Variants in UBQLNL observed in about 807,000 individuals in gnomAD.
UBQLNL encodes ubiquilin-like protein.
For missense variants in UBQLNL, 589 were observed against 567.1 expected, an observed-to-expected ratio of 1.04 and a Z score of -0.39; for synonymous variants, 223 against 209.7, an observed-to-expected ratio of 1.06 and a Z score of -0.55.
chr11:5,515,673 A>G lies in UBQLNL; in HGVS notation c.769T>C (p.Tyr257His). 6.2e-7 allele frequency: 1 copy of G among 1,614,118 alleles called. No individual in the cohort carries two copies. The highest frequency in any genetic ancestry group is 2.2e-5 in the East Asian group (1 of 44,874). ...NLEYPLNPQP[Y>H]LGLETMPGGN... ...CCTGGCATTGTCTCTAAGCCCAGAT[A>G]TGGCTGTGGGTTCAGTGGATACTCA... Residue 257 changes from tyrosine to histidine, a missense_variant, in exon 1 of 1, where the codon TAT (tyrosine) becomes CAT (histidine). Tyr to His is a moderately conservative substitution (Grantham distance 83, BLOSUM62 2). Coordinates refer to ENST00000380184, the MANE Select transcript of UBQLNL (RefSeq NM_145053.5).
At position 5,514,475 on chromosome 11, in the gene UBQLNL, G is replaced by T. The variant is rs973834632; in HGVS notation, c.*539C>A. 1.9e-5 allele frequency: 3 copies of T among 157,162 alleles called. No individual in the cohort carries two copies. Among genetic ancestry groups the T allele is most frequent in the African/African-American group, 7.2e-5 (3 of 41,486 alleles). The allele number at this position is 157,162 out of a possible 1,614,324, so 9.7% of individuals were successfully genotyped here. On this transcript the variant is annotated 3_prime_UTR_variant, in exon 1 of 1. Transcript: ENST00000380184. ...CTATTATTCAGTACAAGACACATTG[G>T]TTGATAACTCTTATTCCAGGACTTC... is the stretch of plus-strand genomic sequence containing the variant.
In UBQLNL at chr11:5,515,981, G is replaced by A. The variant is rs1443561160; in HGVS notation, c.461C>T (p.Ser154Phe). The A allele has an allele frequency of 2.5e-6, 4 of 1,614,020 alleles. No individual in the cohort carries two copies. The highest frequency in any genetic ancestry group is 3.4e-6 in the Non-Finnish European group (4 of 1,180,034). The change falls in exon 1 of 1, where the codon TCT becomes TTT. Residue 154 changes from serine to phenylalanine, a missense_variant. Coordinates refer to ENST00000380184, the MANE Select transcript of UBQLNL (RefSeq NM_145053.5). Reference protein sequence around the residue: ...APVELAHFVGSDAPKVHTQNL... With the variant: ...APVELAHFVGFDAPKVHTQNL... ...TTGGGTATGCACTTTGGGTGCATCA[G>A]ACCCCACAAAGTGGGCCAGTTCCAC...
rs770685141 is a variant in UBQLNL, at chr11:5,515,179, G to A, written c.1263C>T (p.Ser421=). Residue 421 remains serine (S), a synonymous_variant, in exon 1 of 1, where the codon AGC becomes AGT. Coordinates refer to ENST00000380184, the MANE Select transcript of UBQLNL (RefSeq NM_145053.5). ...KGDLQLSDEQ[S]SSQITGGMMQ... ...TCATGCCTCCTGTGATCTGGGAGCT[G>A]CTCTGCTCATCTGACAGCTGGAGAT... 40 of 1,614,096 alleles carry A rather than the reference G, an allele frequency of 2.5e-5. No homozygotes were observed. The Admixed American group carries it at 6.3e-4, about 26-fold the overall frequency.
rs1846534042 is a variant in UBQLNL, at chr11:5,516,182, T to TG, written c.229dup (p.Gln77ProfsTer34). The TG allele has an allele frequency of 6.2e-7, 1 of 1,614,092 alleles. No individual in the cohort carries two copies. On this transcript the variant is annotated frameshift_variant, in exon 2 of 2. Transcript: ENST00000673910. LOFTEE classifies it low-confidence loss of function (END_TRUNC). ...GGTGTGGCCATCCATGATGCCCCTCTGGCTCAGTGTGTCATGGTCTTTGAG... is the reference window on the plus strand; with the variant it reads ...GGTGTGGCCATCCATGATGCCCCTCTGGGCTCAGTGTGTCATGGTCTTTGAG...
At position 5,515,764 on chromosome 11, in the gene UBQLNL, C is replaced by T; in HGVS notation, c.678G>A (p.Leu226=). 1.2e-6 allele frequency: 2 copies of T among 1,614,078 alleles called. No homozygotes were observed. Among genetic ancestry groups the T allele is most frequent in the Non-Finnish European group, 1.7e-6 (2 of 1,180,002 alleles). The part of the protein sequence containing the change: ...LDNSEILLQT[L]ELARNLAMIQ... ...TCATAGCAAGGTTCCTGGCCAGCTC[C>T]AGAGTCTGCAATAGGATCTCAGAAT... Residue 226 remains leucine (L), a synonymous_variant, in exon 1 of 1, where the codon CTG becomes CTA. Coordinates refer to ENST00000380184, the MANE Select transcript of UBQLNL (RefSeq NM_145053.5).
chr11:5,516,522 C>T lies in UBQLNL; in HGVS notation c.-81G>A. ...AGGGCAGACAAATGTTTCTGCTGGC[C>T]TTTGTCTCAGGTATTGTGCTCTCAG... On this transcript the variant is annotated 5_prime_UTR_variant, in exon 1 of 1. Transcript: ENST00000380184. The T allele has an allele frequency of 7.9e-7, 1 of 1,271,630 alleles. No individual in the cohort carries two copies. Among genetic ancestry groups the T allele is most frequent in the Non-Finnish European group, 1.1e-6 (1 of 893,344 alleles). 78.8% of individuals were successfully genotyped at this position (1,271,630 alleles called of 1,614,324 possible).
Position 5,516,277 on chromosome 11 carries a change from G to C in UBQLNL, c.165C>G (p.Phe55Leu). The change falls in exon 1 of 1, where the codon TTC becomes TTG. Residue 55 changes from phenylalanine (F) to leucine (L), a missense_variant. Physicochemically the swap from Phe to Leu is conservative, Grantham distance 22 (BLOSUM62 0). Transcript: ENST00000380184. ...GGAAGTGAGCCAATAGCATCTCCTT[G>C]AACTGCCTTACCGAGATGTCATCAG... ...MVADDISVRQ[F>L]KEMLLAHFQC... The C allele has an allele frequency of 6.2e-7, 1 of 1,614,148 alleles. No individual in the cohort carries two copies.
chr11:5,515,031 C>A lies in UBQLNL; in HGVS notation c.1411G>T (p.Asp471Tyr), dbSNP rs1249847695. 1 of 1,613,668 alleles carries A rather than the reference C, an allele frequency of 6.2e-7. No homozygotes were observed. Among genetic ancestry groups the A allele is most frequent in the Non-Finnish European group, 8.5e-7 (1 of 1,179,932 alleles). ...AGGGTTGCCTAAGCACTAAGCAGAT[C>A]AGAAATCTGTGTCTGCTGCAGGAAT... ...PTFLQQTQISDLLSA is the reference protein window; with the variant it reads ...PTFLQQTQISYLLSA The change falls in exon 1 of 1, where the codon GAT becomes TAT. Residue 471 changes from aspartate (D) to tyrosine (Y), a missense_variant. Asp to Tyr is a radical substitution (Grantham distance 160). Coordinates refer to ENST00000380184, the MANE Select transcript of UBQLNL (RefSeq NM_145053.5).
chr11:5,515,508 G>A lies in UBQLNL; in HGVS notation c.934C>T (p.Pro312Ser). 1 of 1,614,154 alleles carries A rather than the reference G, an allele frequency of 6.2e-7. No individual in the cohort carries two copies. The highest frequency in any genetic ancestry group is 8.5e-7 in the Non-Finnish European group (1 of 1,180,018). Residue 312 changes from proline to serine, a missense_variant, in exon 1 of 1, where the codon CCT (proline) becomes TCT (serine). Physicochemically the swap from Pro to Ser is moderately conservative, Grantham distance 74 (BLOSUM62 -1). Transcript: ENST00000380184. ...VLEQVQSSPP[P>S]PPPSQEQQDQ... Reference sequence around the variant, plus strand: ...TGTTGTTCCTGTGATGGTGGTGGAGGTGGGGGTGAAGACTGGACTTGTTCT... The same window carrying A: ...TGTTGTTCCTGTGATGGTGGTGGAGATGGGGGTGAAGACTGGACTTGTTCT...
At position 5,516,560 on chromosome 11, in the gene UBQLNL, T is replaced by C; in HGVS notation, c.-119A>G. ...ATTGTGCTCTCAGGCCACAGGATAG[T>C]TTCCTTGTTGCCCTAAAAGGGATGA... On this transcript the variant is annotated 5_prime_UTR_variant, in exon 1 of 1. Coordinates refer to ENST00000380184, the MANE Select transcript of UBQLNL (RefSeq NM_145053.5). The C allele has an allele frequency of 1.2e-6, 1 of 863,076 alleles. No individual in the cohort carries two copies. Among genetic ancestry groups the C allele is most frequent in the Non-Finnish European group, 1.8e-6 (1 of 551,872 alleles). The allele number at this position is 863,076 out of a possible 1,614,324, so 53.5% of individuals were successfully genotyped here.
At position 5,516,036 on chromosome 11, in the gene UBQLNL, G is replaced by A. The variant is rs150539325; in HGVS notation, c.406C>T (p.His136Tyr). The A allele has an allele frequency of 3.2e-3, 5,130 of 1,614,120 alleles. 17 individuals are homozygous for A. The highest frequency in any genetic ancestry group is 4.0e-3 in the Non-Finnish European group (4,748 of 1,180,006). The change falls in exon 1 of 1, where the codon CAC becomes TAC. Residue 136 changes from histidine to tyrosine, a missense_variant. Coordinates refer to ENST00000380184, the MANE Select transcript of UBQLNL (RefSeq NM_145053.5). ...GCTTGATTCATACCAGTTGGTTGGT[G>A]CACTCTGCTGCTGTTTCCTTTGGTG... ...RNTKGNSSRV[H>Y]QPTGMNQAPV...
chr11:5,516,095 A>G lies in UBQLNL; in HGVS notation c.347T>C (p.Leu116Pro). 6.2e-7 allele frequency: 1 copy of G among 1,613,872 alleles called. No homozygotes were observed. Among genetic ancestry groups the G allele is most frequent in the Non-Finnish European group, 8.5e-7 (1 of 1,179,908 alleles). ...SRSLAHSFRD[L>P]PTNDPCHRDR... ...CCGGTGGCAGGGATCATTCGTTGGCAGGTCCCGGAAGGAATGGGCTAGAGA... is the reference window on the plus strand; with the variant it reads ...CCGGTGGCAGGGATCATTCGTTGGCGGGTCCCGGAAGGAATGGGCTAGAGA... Residue 116 changes from leucine (L) to proline (P), a missense_variant, in exon 1 of 1, where the codon CTG becomes CCG. Physicochemically the swap from Leu to Pro is moderately conservative, Grantham distance 98. Coordinates refer to ENST00000380184, the MANE Select transcript of UBQLNL (RefSeq NM_145053.5).
chr11:5,514,961 C>A lies in UBQLNL; in HGVS notation c.*53G>T, dbSNP rs112584972. 1.2e-3 allele frequency: 1,909 copies of A among 1,549,644 alleles called. 17 individuals are homozygous for A. In the African/African-American group the frequency reaches 0.023, roughly 19 times the overall value. Reference sequence around the variant, plus strand: ...GAAGAACAGGAGCCTCTGTGGCCAGCAGCTGGAGGGCCTGCTCAATCTGCA... The same window carrying A: ...GAAGAACAGGAGCCTCTGTGGCCAGAAGCTGGAGGGCCTGCTCAATCTGCA... On this transcript the variant is annotated 3_prime_UTR_variant, in exon 1 of 1. Coordinates refer to ENST00000380184, the MANE Select transcript of UBQLNL (RefSeq NM_145053.5).
chr11:5,515,056 T>A lies in UBQLNL; in HGVS notation c.1386A>T (p.Thr462=). 2 of 1,614,182 alleles carry A rather than the reference T, an allele frequency of 1.2e-6. 1 individual carries two copies. The highest frequency in any genetic ancestry group is 2.7e-5 in the African/African-American group (2 of 75,064). The change falls in exon 1 of 1, where the codon ACA becomes ACT. Residue 462 remains threonine, a synonymous_variant. Coordinates refer to ENST00000380184, the MANE Select transcript of UBQLNL (RefSeq NM_145053.5). ...CAGAAATCTGTGTCTGCTGCAGGAA[T>A]GTGGGCAGCTGCTGCCTCCACTGTT... The part of the protein sequence containing the change: ...LSEQWRQQLP[T]FLQQTQISDL...
chr11:5,515,196 G>C lies in UBQLNL; in HGVS notation c.1246C>G (p.Leu416Val). The C allele has an allele frequency of 6.2e-7, 1 of 1,614,198 alleles. No individual in the cohort carries two copies. The highest frequency in any genetic ancestry group is 1.1e-5 in the South Asian group (1 of 91,086). The change falls in exon 1 of 1, where the codon CTG (leucine) becomes GTG (valine). Residue 416 changes from leucine (L) to valine (V), a missense_variant. Leu to Val is a conservative substitution (Grantham distance 32). Transcript: ENST00000380184. The part of the protein sequence containing the change: ...SRQTLKGDLQ[L>V]SDEQSSSQIT... ...TGGGAGCTGCTCTGCTCATCTGACA[G>C]CTGGAGATCACCCTTTAATGTCTGT...
Position 5,516,132 on chromosome 11 carries a change from G to A in UBQLNL, c.280C>T (p.Gln94Ter). Residue 94 changes from glutamine to a stop codon, truncating the protein, a stop_gained, in exon 2 of 2, where the codon CAG becomes TAG. Transcript: ENST00000673910. LOFTEE classifies it low-confidence loss of function (END_TRUNC). ...GAATGGGCTAGAGATCTGGAGCCCT[G>A]CTTGGACTTGATGACCAAGTAGATG... 2 of 1,614,154 alleles carry A rather than the reference G, an allele frequency of 1.2e-6. No homozygotes were observed. The highest frequency in any genetic ancestry group is 2.2e-5 in the East Asian group (1 of 44,870).
chr11:5,515,587 C>A lies in UBQLNL; in HGVS notation c.855G>T (p.Met285Ile), dbSNP rs746198514. ...ADINDQMLNS[M>I]QDPFGGNPFT... ...AAGGGTTTCCTCCAAAAGGATCTTG[C>A]ATGCTGTTCAGCATTTGATCATTGA... Residue 285 changes from methionine (M) to isoleucine (I), a missense_variant, in exon 1 of 1, where the codon ATG becomes ATT. Physicochemically the swap from Met to Ile is conservative, Grantham distance 10. Coordinates refer to ENST00000380184, the MANE Select transcript of UBQLNL (RefSeq NM_145053.5). 5.0e-6 allele frequency: 8 copies of A among 1,614,102 alleles called. No homozygotes were observed. In the East Asian group the frequency reaches 1.8e-4, roughly 36 times the overall value.
rs933725503 is a variant in UBQLNL, at chr11:5,515,828, A to T, written c.614T>A (p.Met205Lys). 5.0e-6 allele frequency: 8 copies of T among 1,614,150 alleles called. No homozygotes were observed. Among genetic ancestry groups the T allele is most frequent in the Middle Eastern group, 1.6e-4 (1 of 6,062 alleles). The change falls in exon 1 of 1, where the codon ATG (methionine) becomes AAG (lysine). Residue 205 changes from methionine to lysine, a missense_variant. Met to Lys is a moderately conservative substitution (Grantham distance 95). Coordinates refer to ENST00000380184, the MANE Select transcript of UBQLNL (RefSeq NM_145053.5). ...GCGGGAAACTTCTGGGTTCTGCTGCATCAATTGTTGCGTGTCTAGATGTTC... is the reference window on the plus strand; with the variant it reads ...GCGGGAAACTTCTGGGTTCTGCTGCTTCAATTGTTGCGTGTCTAGATGTTC... ...ISEHLDTQQL[M>K]QQNPEVSRLL...
rs779357655 is a variant in UBQLNL, at chr11:5,516,434, T to C, written c.8A>G (p.His3Arg). ...CATCCTGGATGTTCGAGAGATGGCA[T>C]GCCACATGGGCTTTAGTGGGTGGGC... MW[H>R]AISRTSRMSQ... is the part of the protein sequence containing the mutation. Residue 3 changes from histidine (H) to arginine (R), a missense_variant, in exon 1 of 1, where the codon CAT becomes CGT. Physicochemically the swap from His to Arg is conservative, Grantham distance 29 (BLOSUM62 0). Coordinates refer to ENST00000380184, the MANE Select transcript of UBQLNL (RefSeq NM_145053.5). The C allele has an allele frequency of 1.2e-6, 2 of 1,613,370 alleles. No individual in the cohort carries two copies. Among genetic ancestry groups the C allele is most frequent in the South Asian group, 2.2e-5 (2 of 91,022 alleles).
Sources: allele counts gnomAD v4.1 joint callset, GRCh38; gene constraint gnomAD v4.1.1; transcripts MANE v1.5; gene names NCBI Gene and HGNC (gene_info 2026-07-23, HGNC 2026-07-21).